MOB1B: variants seen among roughly 807,000 people sequenced by gnomAD.
The protein encoded by MOB1B is MOB1 Mps One Binder homolog B.
In MOB1B, 19 loss-of-function variants were observed where a neutral mutation model predicts 24.4. That is an observed-to-expected ratio of 0.78 (90% CI 0.54 to 1.14). MOB1B has a LOEUF of 1.14. MOB1B is among the 50% of genes most tolerant of loss of function. The probability of loss-of-function intolerance (pLI) is 0.00; values close to 1 mark genes in which losing one functional copy is unlikely to be tolerated. For synonymous variants in MOB1B, 76 were observed against 82.1 expected, an observed-to-expected ratio of 0.93 and a Z score of 0.40; for missense variants, 243 against 259.6, an observed-to-expected ratio of 0.94 and a Z score of 0.44.
intron 1 of MOB1B, among the ~76,000 whole-genome samples, chr4:70,928,855 C>T (rs192082170): frequency 9.2e-5 from 14 of 151,680 alleles, no homozygotes; most frequent in Admixed American, 2.6e-4. Context: ...CCCAAAATGC[C>T]GATATTACTG....
chr4:70,923,940 C>CA (rs34422316), intron 1 of MOB1B, among the ~76,000 whole-genome samples: 12,891 of 53,684 alleles, frequency 0.24, 1,918 homozygotes, highest in African/African-American at 0.41. Context: ...GAGTGAGACT[C>CA]AAAAAAAAAA....
chr4:70,960,554 C>G (rs1738262297), intron 2 of MOB1B, among the ~76,000 whole-genome samples: 1 of 152,062 alleles, frequency 6.6e-6, no homozygotes, highest in Admixed American at 6.5e-5. Flanking sequence ...TGAGCTGCCC[C>G]CCTCTAATAC....
intron 1 of MOB1B, among the ~76,000 whole-genome samples, chr4:70,909,621 G>A (rs1161374342): frequency 6.6e-6 from 1 of 152,132 alleles, no homozygotes; most frequent in South Asian, 2.1e-4. Flanking sequence ...TATACATAAG[G>A]AAACTAGCAC....
intron 1 of MOB1B, among the ~76,000 whole-genome samples, chr4:70,911,611 C>T (rs1735990533): frequency 6.6e-6 from 1 of 151,888 alleles, no homozygotes; most frequent in Admixed American, 6.6e-5. Context: ...AAAATAATTG[C>T]CATTTGGTTA....
chr4:70,964,930 CAAA>C (rs899053515), intron 2 of MOB1B, among the ~76,000 whole-genome samples: 2 of 84,526 alleles, frequency 2.4e-5, no homozygotes, highest in African/African-American at 4.5e-5. Context: ...AACTCCGTCT[CAAA>C]AAAAAAAAAA....
chr4:70,913,838 A>G (rs1736095578), intron 1 of MOB1B, among the ~76,000 whole-genome samples: 2 of 151,786 alleles, frequency 1.3e-5, no homozygotes, highest in Middle Eastern at 3.4e-3. Flanking sequence ...AATTGTTACT[A>G]TGATGATTGC....
chr4:70,960,839 T>C (rs1392811189), intron 2 of MOB1B, among the ~76,000 whole-genome samples: 3 of 152,240 alleles, frequency 2.0e-5, no homozygotes, highest in African/African-American at 7.2e-5. Flanking sequence ...GAGAGTTCAT[T>C]TACTCATGTT....
intron 1 of MOB1B, 105 bp from the exon 2 acceptor site, chr4:70,958,769 G>T (rs901237188): frequency 9.8e-7 from 1 of 1,025,510 alleles, no homozygotes; most frequent in Non-Finnish European, 1.5e-6. Context: ...CAATTCTATT[G>T]CTGGGATTTA....
chr4:70,915,088 TAAC>T (rs762010811), intron 1 of MOB1B, among the ~76,000 whole-genome samples: 13 of 152,242 alleles, frequency 8.5e-5, no homozygotes, highest in South Asian at 8.3e-4. Context: ...ATCATTATCT[TAAC>T]AATGATGATT....
intron 3 of MOB1B, among the ~76,000 whole-genome samples, chr4:70,973,825 T>C (rs1003497168): frequency 6.6e-6 from 1 of 152,216 alleles, no homozygotes; most frequent in Non-Finnish European, 1.5e-5. Context: ...ATAGCTTGTT[T>C]AGTATTATTG....
chr4:70,970,466 TGTTA>T (rs1445335267), intron 3 of MOB1B, among the ~76,000 whole-genome samples: 1 of 152,248 alleles, frequency 6.6e-6, no homozygotes, highest in East Asian at 1.9e-4. Flanking sequence ...GAAATTTGTT[TGTTA>T]TATTTCTTAC....
chr4:70,950,865 T>A (rs1051402538), intron 1 of MOB1B: 1 of 971,948 alleles, frequency 1.0e-6, no homozygotes. Context: ...GTTCTTAACA[T>A]AAGTTTCAGT....
chr4:70,939,654 C>G (rs2363436), intron 1 of MOB1B, among the ~76,000 whole-genome samples: 152,332 of 152,366 alleles, frequency 1, 76,149 homozygotes, highest in Non-Finnish European at 1. Context: ...GGTGTGCGGT[C>G]GGGGGTGTGG....
upstream of MOB1B, chr4:70,902,330 C>G (rs1267010994): frequency 3.1e-6 from 2 of 654,692 alleles, no homozygotes; most frequent in African/African-American, 3.6e-5. Flanking sequence ...TGGAGTGATT[C>G]AAGACGAGCG....
At chr4:70,972,461 T>G (rs1444925567) in intron 3 of MOB1B, among the ~76,000 whole-genome samples, 1 of 152,032 alleles carries the variant, frequency 6.6e-6, no homozygotes, top group Non-Finnish European at 1.5e-5. Flanking sequence ...TGATCTGCCC[T>G]CCTTGGCCTC....
chr4:70,904,268 G>T (rs1456110137), intron 1 of MOB1B, among the ~76,000 whole-genome samples: 1 of 151,806 alleles, frequency 6.6e-6, no homozygotes, highest in Non-Finnish European at 1.5e-5. Flanking sequence ...ACAGACGTGA[G>T]CCCACCGTGC....
At chr4:70,921,720 G>A (rs1005196313) in intron 1 of MOB1B, among the ~76,000 whole-genome samples, 1 of 151,970 alleles carries the variant, frequency 6.6e-6, no homozygotes, top group Admixed American at 6.6e-5. Context: ...TGTTGGCCAG[G>A]TTGATCTCGA....
rs771097549 is a variant in MOB1B, at chr4:70,958,872, A to G, written c.15-2A>G. 7.0e-5 allele frequency: 112 copies of G among 1,602,788 alleles called. No homozygotes were observed. The Admixed American group carries it at 1.9e-3, about 28-fold the overall frequency. On this transcript the variant is annotated splice_acceptor_variant, in intron 1 of 5. Transcript: ENST00000309395. LOFTEE classifies it high-confidence loss of function. Reference sequence around the variant, plus strand: ...CCCTTTTTTTTTCTTTTCTATTCATAGTGGTAGTCGCTCTTCTAAAACTTT... The same window carrying G: ...CCCTTTTTTTTTCTTTTCTATTCATGGTGGTAGTCGCTCTTCTAAAACTTT...
chr4:70,987,524 A>G lies in MOB1B; in HGVS notation c.*5467A>G, dbSNP rs1006926404. 1.3e-5 allele frequency: 2 copies of G among 152,128 alleles called. No individual in the cohort carries two copies. Among genetic ancestry groups the G allele is most frequent in the African/African-American group, 2.4e-5 (1 of 41,440 alleles). The allele number at this position is 152,128 out of a possible 1,614,324, so 9.4% of individuals were successfully genotyped here. ...AGTTTTTTTGGAGCTACTAACTTGT[A>G]TTTATTATTGTACATGCATAACCAG... On this transcript the variant is annotated 3_prime_UTR_variant, in exon 6 of 6. Coordinates refer to ENST00000309395, the MANE Select transcript of MOB1B (RefSeq NM_173468.4).
Sources: allele counts gnomAD v4.1 joint callset (sites outside exome capture counted in the v4.1 genomes callset), GRCh38; gene constraint gnomAD v4.1.1; transcripts MANE v1.5; gene names NCBI Gene and HGNC (gene_info 2026-07-23, HGNC 2026-07-21).